Variants in PITPNM2 observed in about 807,000 individuals in gnomAD.
PITPNM2 encodes the protein membrane-associated phosphatidylinositol transfer protein 2.
Under a neutral mutation model 132.2 loss-of-function variants are expected in PITPNM2, and 35 were observed. That is an observed-to-expected ratio of 0.26 (90% CI 0.20 to 0.35). PITPNM2 has a LOEUF of 0.35. PITPNM2 is among the 10% of genes least tolerant of loss of function. PITPNM2 has a pLI of 1.00. For missense variants in PITPNM2, 1,332 were observed against 1,912.0 expected, an observed-to-expected ratio of 0.70 and a Z score of 5.66; for synonymous variants, 738 against 799.2, an observed-to-expected ratio of 0.92 and a Z score of 1.29.
chr12:123,107,958 A>T (rs2042755295), intron 2 of PITPNM2, among the ~76,000 whole-genome samples: 1 of 152,214 alleles, frequency 6.6e-6, no homozygotes, highest in South Asian at 2.1e-4. Context: ...GGGAGGAAGG[A>T]GAGGCTAATG....
intron 1 of PITPNM2, among the ~76,000 whole-genome samples, chr12:123,122,029 C>T (rs542615985): frequency 1.3e-5 from 2 of 152,276 alleles, no homozygotes; most frequent in Admixed American, 6.5e-5. Flanking sequence ...CCATCTAACA[C>T]GTCAACCATT....
At chr12:123,144,045 A>C (rs962740978) in intron 1 of PITPNM2, among the ~76,000 whole-genome samples, 2 of 152,200 alleles carry the variant, frequency 1.3e-5, no homozygotes, top group African/African-American at 4.8e-5. Context: ...CCCCAAAATC[A>C]ATGCTCATGG....
intron 1 of PITPNM2, among the ~76,000 whole-genome samples, chr12:123,129,794 C>A (rs1205819688): frequency 6.6e-6 from 1 of 151,934 alleles, no homozygotes; most frequent in Non-Finnish European, 1.5e-5. Context: ...AGAGTTCTTG[C>A]CTACAGAGGA....
At position 123,055,466 on chromosome 12, in the gene PITPNM2, C is replaced by T. The variant is rs117229530; in HGVS notation, c.-95-20781G>A. Among the ~76,000 whole-genome samples, 444 of 152,338 alleles carry T rather than the reference C, an allele frequency of 2.9e-3. 3 individuals are homozygous for T. Among genetic ancestry groups the T allele is most frequent in the East Asian group, 0.011 (55 of 5,174 alleles). On this transcript the variant is annotated intron_variant, in intron 2 of 25. Coordinates refer to ENST00000320201, the MANE Select transcript of PITPNM2 (RefSeq NM_020845.3). ...AAGCAGTATACGCCACCAGCTCAGC[C>T]TGCCCAGCGTGCACACGGCACCAAG...
intron 2 of PITPNM2, among the ~76,000 whole-genome samples, chr12:123,044,578 G>A (rs1440708322): frequency 6.6e-6 from 1 of 152,190 alleles, no homozygotes; most frequent in Non-Finnish European, 1.5e-5. Context: ...CTGAACTGGT[G>A]ATAAGCCCTT....
Position 122,995,527 on chromosome 12 carries a change from C to G in PITPNM2, c.1916G>C (p.Arg639Pro), listed in dbSNP as rs1447455795. 4 of 1,612,334 alleles carry G rather than the reference C, an allele frequency of 2.5e-6. No homozygotes were observed. Among genetic ancestry groups the G allele is most frequent in the Non-Finnish European group, 3.4e-6 (4 of 1,180,018 alleles). The change falls in exon 14 of 26, where the codon CGG becomes CCG. Residue 639 changes from arginine to proline, a missense_variant. Arg to Pro is a moderately radical substitution (Grantham distance 103). This residue lies in a region of PITPNM2 where 710 missense variants were observed against 911.5 expected (regional missense o/e 0.78). Coordinates refer to ENST00000320201, the MANE Select transcript of PITPNM2 (RefSeq NM_020845.3). ...SSGGSSLESS[R>P]HLSRSNVDIP... ...GTCGACGTTGCTTCGGCTCAGGTGC[C>G]GACTGCTCTCCAGGCTGGAGCCACC... is the stretch of plus-strand genomic sequence containing the variant.
At chr12:123,013,262 C>T (rs2039286517) in intron 4 of PITPNM2, among the ~76,000 whole-genome samples, 1 of 152,238 alleles carries the variant, frequency 6.6e-6, no homozygotes, top group Non-Finnish European at 1.5e-5. Context: ...GGGACCCCAC[C>T]TGCTCAGCAG....
intron 2 of PITPNM2, among the ~76,000 whole-genome samples, chr12:123,046,493 T>C (rs2040663462): frequency 6.6e-6 from 1 of 152,238 alleles, no homozygotes. Flanking sequence ...AAGTGGTTTT[T>C]AGTATACTCA....
chr12:123,094,060 G>T (rs899770542), intron 2 of PITPNM2, among the ~76,000 whole-genome samples: 2 of 152,238 alleles, frequency 1.3e-5, no homozygotes, highest in Non-Finnish European at 2.9e-5. Flanking sequence ...TGTGAGAAAG[G>T]CCTGGTTAGG....
At chr12:123,026,997 G>A (rs1374723700) in intron 3 of PITPNM2, among the ~76,000 whole-genome samples, 1 of 152,204 alleles carries the variant, frequency 6.6e-6, no homozygotes, top group Non-Finnish European at 1.5e-5. Context: ...TTCTGAGACT[G>A]CAGGTGGATG....
At chr12:123,025,431 A>AT (rs539043052) in intron 3 of PITPNM2, among the ~76,000 whole-genome samples, 7,702 of 136,082 alleles carry the variant, frequency 0.057, 448 homozygotes, top group African/African-American at 0.15. Flanking sequence ...TGTGGACCAG[A>AT]TTTTTTTTTT....
intron 2 of PITPNM2, chr12:123,105,627 GGCATGAGGGCTCAGC>G (rs1181324413): frequency 6.6e-6 from 1 of 152,170 alleles, no homozygotes; most frequent in Non-Finnish European, 1.5e-5. Flanking sequence ...GTTACCGGGA[GGCATGAGGGCTCAGC>G]GCATACGGGA....
At chr12:123,073,226 T>C (rs958189624) in intron 2 of PITPNM2, among the ~76,000 whole-genome samples, 1 of 152,224 alleles carries the variant, frequency 6.6e-6, no homozygotes, top group Non-Finnish European at 1.5e-5. Context: ...TTCATTTTCA[T>C]ATAGTCTCTA....
intron 2 of PITPNM2, among the ~76,000 whole-genome samples, chr12:123,050,460 T>A (rs1224102383): frequency 1.3e-5 from 2 of 152,082 alleles, no homozygotes; most frequent in Non-Finnish European, 2.9e-5. Flanking sequence ...AGACTCTGTA[T>A]CTCCTGGGCT....
At chr12:123,052,784 GT>G (rs34269675) in intron 2 of PITPNM2, among the ~76,000 whole-genome samples, 281 of 140,808 alleles carry the variant, frequency 2.0e-3, no homozygotes, top group African/African-American at 3.8e-3. Flanking sequence ...TTTTATTTAA[GT>G]TTTTTTTTTT....
At chr12:123,067,422 C>T (rs572443819) in intron 2 of PITPNM2, among the ~76,000 whole-genome samples, 8 of 151,768 alleles carry the variant, frequency 5.3e-5, no homozygotes, top group African/African-American at 1.7e-4. Flanking sequence ...TGCCACTGCA[C>T]TCCAGCCTGG....
At chr12:123,043,186 CTA>C (rs1409295113) in intron 2 of PITPNM2, among the ~76,000 whole-genome samples, 1 of 152,114 alleles carries the variant, frequency 6.6e-6, no homozygotes, top group African/African-American at 2.4e-5. Context: ...AATGAGGAGA[CTA>C]AGGCTCAGGA....
chr12:123,151,299 C>T (rs1034078025), upstream of PITPNM2, among the ~76,000 whole-genome samples: 11 of 151,602 alleles, frequency 7.3e-5, no homozygotes, highest in African/African-American at 2.7e-4. Flanking sequence ...CTCCCCGGCT[C>T]GCCCGTGTCC....
chr12:123,136,768 G>A (rs1478691747), intron 1 of PITPNM2, among the ~76,000 whole-genome samples: 2 of 152,032 alleles, frequency 1.3e-5, no homozygotes, highest in South Asian at 4.2e-4. Flanking sequence ...ATGGTGGCAG[G>A]CGCCTGTAGT....
Sources: gnomAD v4.1 joint callset for allele counts (sites outside exome capture counted in the v4.1 genomes callset) on GRCh38, gnomAD v4.1.1 for gene constraint, gnomAD v4.1.1 regional missense constraint, MANE v1.5 for transcripts, NCBI Gene and HGNC (gene_info 2026-07-23, HGNC 2026-07-21) for gene names.